RBFOX1: variants seen among roughly 807,000 people sequenced by gnomAD.
The protein encoded by RBFOX1 is RNA binding protein fox-1 homolog 1.
A neutral mutation model predicts 57.7 loss-of-function variants in RBFOX1; 8 were observed. The observed-to-expected ratio is 0.14, with a 90% CI of 0.08 to 0.25. The LOEUF (loss-of-function observed/expected upper bound fraction) is 0.25. Among genes scored for constraint, RBFOX1 ranks in the 10% least tolerant of loss-of-function variants. RBFOX1 has a pLI of 1.00. For synonymous variants in RBFOX1, 326 were observed against 222.4 expected, an observed-to-expected ratio of 1.47 and a Z score of -4.15; for missense variants, 611 against 548.5, an observed-to-expected ratio of 1.11 and a Z score of -1.14.
At position 5,540,215 on chromosome 16, in the gene RBFOX1, C is replaced by T. The variant is rs375253616; in HGVS notation, c.259-58687C>T. Among the ~76,000 whole-genome samples, 5 of 152,252 alleles carry T rather than the reference C, an allele frequency of 3.3e-5. No homozygotes were observed. In the South Asian group the frequency reaches 8.3e-4, roughly 25 times the overall value. ...CTGCTGAAACATCATTTTGTTTATA[C>T]CTTTGAGCATAGAATTCTCCAAGTT... On this transcript the variant is annotated intron_variant, in intron 2 of 2. Coordinates refer to the RBFOX1 transcript ENST00000585867.
At chr16:6,619,840 C>G (rs2098200876) in intron 2 of RBFOX1, among the ~76,000 whole-genome samples, 1 of 152,012 alleles carries the variant, frequency 6.6e-6, no homozygotes, top group Non-Finnish European at 1.5e-5. Context: ...GTTATTTTTC[C>G]TGATTGTCTC....
chr16:5,769,600 C>T (rs979630073), intron 3 of RBFOX1, among the ~76,000 whole-genome samples: 1 of 151,978 alleles, frequency 6.6e-6, no homozygotes, highest in South Asian at 2.1e-4. Flanking sequence ...TTGCGGTGAG[C>T]CGAGATCATG....
At chr16:5,427,038 G>A (rs916482981) in intron 1 of RBFOX1, among the ~76,000 whole-genome samples, 1 of 152,060 alleles carries the variant, frequency 6.6e-6, no homozygotes. Flanking sequence ...CACCTCCTCT[G>A]TTTTTTTGGC....
At chr16:5,255,027 C>G (rs1449645517) in intron 1 of RBFOX1, among the ~76,000 whole-genome samples, 1 of 152,156 alleles carries the variant, frequency 6.6e-6, no homozygotes, top group Non-Finnish European at 1.5e-5. Context: ...CGTGACACAG[C>G]CAGTTGATTA....
intron 3 of RBFOX1, among the ~76,000 whole-genome samples, chr16:6,825,354 TC>T (rs1174070233): frequency 1.3e-5 from 2 of 151,734 alleles, no homozygotes; most frequent in Non-Finnish European, 2.9e-5. Context: ...GAATCAGTCT[TC>T]TAGATATTTT....
At chr16:6,957,187 A>G (rs1387898621) in intron 3 of RBFOX1, among the ~76,000 whole-genome samples, 1 of 148,874 alleles carries the variant, frequency 6.7e-6, no homozygotes, top group Non-Finnish European at 1.5e-5. Context: ...GCTGCAGTGC[A>G]GTGGTGTGAT....
intron 2 of RBFOX1, among the ~76,000 whole-genome samples, chr16:6,570,920 T>A (rs118098725): frequency 6.6e-6 from 1 of 152,180 alleles, no homozygotes; most frequent in Non-Finnish European, 1.5e-5. Context: ...GGGCCTTTGA[T>A]TGAATAACGG....
intron 3 of RBFOX1, among the ~76,000 whole-genome samples, chr16:6,663,717 A>G (rs772573788): frequency 3.3e-5 from 5 of 152,236 alleles, no homozygotes; most frequent in Admixed American, 6.5e-5. Flanking sequence ...ATACATTAAA[A>G]TGGAAGAAGC....
intron 1 of RBFOX1, among the ~76,000 whole-genome samples, chr16:6,308,498 G>C (rs1024268351): frequency 6.6e-6 from 1 of 152,202 alleles, no homozygotes; most frequent in Admixed American, 6.5e-5. Flanking sequence ...GACTTGACTG[G>C]TGGACCCTAG....
chr16:6,730,277 A>G (rs931350930), intron 3 of RBFOX1, among the ~76,000 whole-genome samples: 9 of 152,130 alleles, frequency 5.9e-5, no homozygotes, highest in African/African-American at 9.7e-5. Context: ...TACGGCCCTA[A>G]GGATGGGGGT....
intron 3 of RBFOX1, among the ~76,000 whole-genome samples, chr16:6,768,532 C>G (rs1443204592): frequency 6.6e-6 from 1 of 151,740 alleles, no homozygotes; most frequent in East Asian, 1.9e-4. Context: ...ATTTTCTATA[C>G]ATTGACAAAA....
chr16:7,063,186 A>C (rs2055017411), intron 4 of RBFOX1, among the ~76,000 whole-genome samples: 1 of 151,994 alleles, frequency 6.6e-6, no homozygotes, highest in Non-Finnish European at 1.5e-5. Context: ...CTGAATTTGT[A>C]CATCTTTTTG....
rs2059413050 is a variant in RBFOX1, at chr16:5,946,994, T to C, written c.351+79659T>C. On this transcript the variant is annotated intron_variant, in intron 4 of 19. Transcript: ENST00000641259. This position sits in a 1 kb window ranked among gnomAD's most constrained non-coding sequence, Gnocchi z 4.6. ...AGGGAGGCAGAAGTAGGAGGATTGC[T>C]TGAGGCCAGGAGTTTGAGACCAGCT... is the stretch of plus-strand genomic sequence containing the variant. Among the ~76,000 whole-genome samples the C allele has an allele frequency of 6.6e-6, 1 of 152,166 alleles. No homozygotes were observed. Among genetic ancestry groups the C allele is most frequent in the South Asian group, 2.1e-4 (1 of 4,830 alleles).
chr16:6,601,645 T>C (rs139177128), intron 2 of RBFOX1, among the ~76,000 whole-genome samples: 10 of 152,206 alleles, frequency 6.6e-5, no homozygotes, highest in African/African-American at 2.4e-4. Context: ...GCTCAGGAAC[T>C]CTCAGAGGTA....
intron 3 of RBFOX1, among the ~76,000 whole-genome samples, chr16:7,010,242 A>G (rs8050635): frequency 0.13 from 19,231 of 152,258 alleles, 1,285 homozygotes; most frequent in East Asian, 0.18. Context: ...CAGACAACCT[A>G]GAGCTAAATG....
At chr16:7,123,322 G>A (rs907026838) in intron 4 of RBFOX1, among the ~76,000 whole-genome samples, 9 of 152,018 alleles carry the variant, frequency 5.9e-5, no homozygotes, top group African/African-American at 1.9e-4. Flanking sequence ...AATATTTGTG[G>A]ATGGAATAAA....
intron 3 of RBFOX1, among the ~76,000 whole-genome samples, chr16:6,723,377 A>T (rs561567193): frequency 5.1e-4 from 78 of 152,298 alleles, no homozygotes; most frequent in Non-Finnish European, 1.0e-3. Flanking sequence ...GCAACTGTGG[A>T]TTAAAAAGAT....
chr16:6,076,681 C>T (rs1001470790), intron 1 of RBFOX1, among the ~76,000 whole-genome samples: 2 of 152,098 alleles, frequency 1.3e-5, no homozygotes, highest in Admixed American at 1.3e-4. Context: ...AACTTTTCTT[C>T]TGTGAGTACT....
At chr16:5,706,856 G>C (rs1444186204) in intron 3 of RBFOX1, among the ~76,000 whole-genome samples, 1 of 151,662 alleles carries the variant, frequency 6.6e-6, no homozygotes, top group South Asian at 2.1e-4. Context: ...CTTTTTTTTT[G>C]GTGTAGGAGG....
Sources: gnomAD v4.1 joint callset for allele counts (sites outside exome capture counted in the v4.1 genomes callset) on GRCh38, gnomAD v4.1.1 for gene constraint, Gnocchi (gnomAD v3.1) non-coding constraint, MANE v1.5 for transcripts, NCBI Gene and HGNC (gene_info 2026-07-23, HGNC 2026-07-21) for gene names.